The following ADCY10 variants were observed in gnomAD, a reference collection of about 807,000 sequenced individuals.
ADCY10 encodes adenylate cyclase 10.
In ADCY10, 156 loss-of-function variants were observed where a neutral mutation model predicts 183.3. The ratio of observed to expected loss-of-function variants is 0.85; its 90% CI spans 0.75 to 0.97. The LOEUF (loss-of-function observed/expected upper bound fraction) is 0.97. Ranked by LOEUF, ADCY10 falls within the 50% of genes least tolerant of loss-of-function variation. ADCY10 has a pLI of 0.00. For synonymous variants in ADCY10, 645 were observed against 670.0 expected (o/e 0.96, Z 0.58); for missense variants, 1,745 against 1,934.3 (o/e 0.90, Z 1.84).
rs780139747 is a variant in ADCY10, at chr1:167,829,396, C to T, written c.3621G>A (p.Arg1207=). 1 of 1,614,088 alleles carries T rather than the reference C, an allele frequency of 6.2e-7. No homozygotes were observed. The highest frequency in any genetic ancestry group is 8.5e-7 in the Non-Finnish European group (1 of 1,179,966). ...PGKKRLAQLY[R]QTVCLSLLWR... ...ACAGCAAGGAAAGGCAGACAGTTTG[C>T]CGGTAAAGTTGTGCCAGCCTCTTCT... is the stretch of plus-strand genomic sequence containing the variant. The change falls in exon 26 of 33, where the codon CGG becomes CGA. Residue 1207 remains arginine (R), a synonymous_variant. Coordinates refer to ENST00000367851, the MANE Select transcript of ADCY10 (RefSeq NM_018417.6).
At chr1:167,908,860 G>T (rs972129867) in intron 1 of ADCY10, among the ~76,000 whole-genome samples, 1 of 152,154 alleles carries the variant, frequency 6.6e-6, no homozygotes, top group Non-Finnish European at 1.5e-5. Flanking sequence ...TAAGCACGAG[G>T]TGCTAAAAAA....
chr1:167,879,079 G>A (rs1004896503), intron 11 of ADCY10, among the ~76,000 whole-genome samples: 13 of 152,174 alleles, frequency 8.5e-5, no homozygotes, highest in South Asian at 2.1e-4. Context: ...GCGATTTCTC[G>A]ATTTAGTAAA....
Position 167,818,114 on chromosome 1 carries a change from T to C in ADCY10, c.4440A>G (p.Glu1480=). 1 of 1,614,216 alleles carries C rather than the reference T, an allele frequency of 6.2e-7. No individual in the cohort carries two copies. Among genetic ancestry groups the C allele is most frequent in the Non-Finnish European group, 8.5e-7 (1 of 1,180,040 alleles). ...CACTGGCTTGGGCATTCTCTGACTG[T>C]TCTTTGATTTGTTTTTGAAGGTGAA... ...QVLHLQKQIK[E]QSENAQASGE... The change falls in exon 31 of 33, where the codon GAA becomes GAG. Residue 1480 remains glutamate, a synonymous_variant. Transcript: ENST00000367851.
intron 21 of ADCY10, among the ~76,000 whole-genome samples, chr1:167,845,206 T>C (rs1439268919): frequency 6.6e-6 from 1 of 152,216 alleles, no homozygotes; most frequent in Admixed American, 6.5e-5. Context: ...AATATTCTTA[T>C]CTGCCAAGAA....
rs764672173 is a variant in ADCY10, at chr1:167,823,021, G to A, written c.4155C>T (p.Ile1385=). 1 of 1,614,010 alleles carries A rather than the reference G, an allele frequency of 6.2e-7. No homozygotes were observed. The highest frequency in any genetic ancestry group is 1.1e-5 in the South Asian group (1 of 91,078). Reference sequence around the variant, plus strand: ...ACCCACACTTACCAGAATAAAGCAGGATGTCCAAGCAGACAAAATAGAAAA... The same window carrying A: ...ACCCACACTTACCAGAATAAAGCAGAATGTCCAAGCAGACAAAATAGAAAA... ...KAFFYFVCLD[I]LLYSGFVYRT... is the part of the protein sequence containing the mutation. Residue 1385 remains isoleucine (I), a synonymous_variant, in exon 29 of 33, where the codon ATC becomes ATT. Transcript: ENST00000367851.
At chr1:167,836,039 C>T (rs1254720539) in intron 23 of ADCY10, among the ~76,000 whole-genome samples, 1 of 152,160 alleles carries the variant, frequency 6.6e-6, no homozygotes, top group Non-Finnish European at 1.5e-5. Flanking sequence ...AGATGTGCCC[C>T]CTTACCTCCC....
chr1:167,833,010 C>G lies in ADCY10; in HGVS notation c.3570G>C (p.Gln1190His). Residue 1190 changes from glutamine to histidine, a missense_variant, in exon 25 of 33, where the codon CAG (glutamine) becomes CAC (histidine). By Grantham distance (24) the Gln-to-His change is conservative. Coordinates refer to ENST00000367851, the MANE Select transcript of ADCY10 (RefSeq NM_018417.6). ...ACCCTGGAGGTGGGCTCTCTTGGGC[C>G]TGCCGATTCACATAATGAAAGTGTC... The part of the protein sequence containing the change: ...KNRHFHYVNR[Q>H]AQESPPPGKK... 1 of 1,614,032 alleles carries G rather than the reference C, an allele frequency of 6.2e-7. No homozygotes were observed. Among genetic ancestry groups the G allele is most frequent in the Non-Finnish European group, 8.5e-7 (1 of 1,179,968 alleles).
At chr1:167,835,195 A>C (rs1293308828) in intron 23 of ADCY10, among the ~76,000 whole-genome samples, 2 of 152,192 alleles carry the variant, frequency 1.3e-5, no homozygotes, top group Non-Finnish European at 2.9e-5. Flanking sequence ...GAGTTCATGG[A>C]AGGTTAGCCC....
intron 25 of ADCY10, 115 bp downstream of exon 25, chr1:167,832,872 A>G (rs933832417): frequency 3.6e-6 from 4 of 1,110,238 alleles, no homozygotes; most frequent in South Asian, 2.6e-5. Flanking sequence ...GTCAGAGCCA[A>G]ACAGGAGTCC....
At chr1:167,861,912 C>A (rs901641013) in intron 14 of ADCY10, among the ~76,000 whole-genome samples, 1 of 152,200 alleles carries the variant, frequency 6.6e-6, no homozygotes, top group Non-Finnish European at 1.5e-5. Flanking sequence ...AAGTTTGGCA[C>A]TTCCTCCCTT....
Position 167,854,423 on chromosome 1 carries a change from ATGT to A in ADCY10, c.2235_2237del (p.Glu745_His746delinsAsp), listed in dbSNP as rs775291625. On this transcript the variant is annotated inframe_deletion, in exon 18 of 33. Transcript: ENST00000367851. ...TTTGTTGGAAAACGAGTACCTCATGATGTTCCAGGTTTTTAAGCAATTCTTCAC... is the reference window on the plus strand; with the variant it reads ...TTTGTTGGAAAACGAGTACCTCATGATCCAGGTTTTTAAGCAATTCTTCAC... 44 of 1,614,184 alleles carry A rather than the reference ATGT, an allele frequency of 2.7e-5. No homozygotes were observed. Among genetic ancestry groups the A allele is most frequent in the Non-Finnish European group, 3.7e-5 (44 of 1,180,036 alleles).
At chr1:167,905,232 A>G in intron 1 of ADCY10, 34 bp from the exon 2 acceptor site, 1 of 1,401,778 alleles carries the variant, frequency 7.1e-7, no homozygotes, top group South Asian at 1.2e-5. Flanking sequence ...GAAATCTGAT[A>G]TATTCATTTG....
intron 7 of ADCY10, among the ~76,000 whole-genome samples, chr1:167,895,403 G>A (rs1183052858): frequency 6.6e-6 from 1 of 152,032 alleles, no homozygotes; most frequent in Non-Finnish European, 1.5e-5. Context: ...CCACCCCACT[G>A]CCTATTGTGG....
chr1:167,848,753 C>T (rs1215524866), intron 18 of ADCY10, among the ~76,000 whole-genome samples: 2 of 151,956 alleles, frequency 1.3e-5, no homozygotes, highest in Admixed American at 6.6e-5. Context: ...CAGGTTCAAG[C>T]GATTCCTGCC....
intron 9 of ADCY10, among the ~76,000 whole-genome samples, 172 bp from the exon 10 acceptor site, chr1:167,880,781 C>T (rs1667821372): frequency 6.6e-6 from 1 of 152,214 alleles, no homozygotes; most frequent in African/African-American, 2.4e-5. Context: ...TCTACTGCAT[C>T]ATCAACAGGA....
chr1:167,832,270 GA>G (rs1340078249), intron 25 of ADCY10, among the ~76,000 whole-genome samples: 2 of 152,072 alleles, frequency 1.3e-5, no homozygotes, highest in Non-Finnish European at 2.9e-5. Flanking sequence ...GAATATTTTT[GA>G]AAACATTTAT....
chr1:167,861,074 G>C lies in ADCY10; in HGVS notation c.1617-11C>G. ...GAAATGGCAATAATCCTGTTTGTGA[G>C]AAAATCAAGAAACAGAAGAGAGTTT... On this transcript the variant is annotated splice_polypyrimidine_tract_variant and intron_variant, in intron 14 of 32. Coordinates refer to ENST00000367851, the MANE Select transcript of ADCY10 (RefSeq NM_018417.6). The C allele has an allele frequency of 6.2e-7, 1 of 1,609,346 alleles. No individual in the cohort carries two copies. Among genetic ancestry groups the C allele is most frequent in the Non-Finnish European group, 8.5e-7 (1 of 1,175,822 alleles).
Position 167,896,641 on chromosome 1 carries a change from T to C in ADCY10, c.693A>G (p.Thr231=), listed in dbSNP as rs1571436536. Reference sequence around the variant, plus strand: ...AATAATGCATGAAGGTCGTACACTTTGTGAAAAATTCATCAAAATTAAAAT... The same window carrying C: ...AATAATGCATGAAGGTCGTACACTTCGTGAAAAATTCATCAAAATTAAAAT... The part of the protein sequence containing the change: ...PPNFNFDEFF[T]KCTTFMHYYP... Residue 231 remains threonine (T), a synonymous_variant, in exon 7 of 33, where the codon ACA becomes ACG. Transcript: ENST00000367851. 6.2e-7 allele frequency: 1 copy of C among 1,613,654 alleles called. No homozygotes were observed. The highest frequency in any genetic ancestry group is 8.5e-7 in the Non-Finnish European group (1 of 1,179,684).
At chr1:167,834,189 AC>A in intron 23 of ADCY10, 112 bp from the exon 24 acceptor site, 2 of 781,492 alleles carry the variant, frequency 2.6e-6, no homozygotes, top group Non-Finnish European at 4.4e-6. Flanking sequence ...CATTTCAGTT[AC>A]CACCTCCACT....
Sources: gnomAD v4.1 joint callset for allele counts (sites outside exome capture counted in the v4.1 genomes callset) on GRCh38, gnomAD v4.1.1 for gene constraint, MANE v1.5 for transcripts, NCBI Gene and HGNC (gene_info 2026-07-23, HGNC 2026-07-21) for gene names.